ATP8A2: variants seen among roughly 807,000 people sequenced by gnomAD.
The protein encoded by ATP8A2 is ATPase phospholipid transporting 8A2.
ATP8A2 carries 100 observed loss-of-function variants against 165.6 expected under a neutral mutation model. That is an observed-to-expected ratio of 0.60 (90% CI 0.51 to 0.71). ATP8A2 has a LOEUF of 0.71. Ranked by LOEUF, ATP8A2 falls within the 30% of genes least tolerant of loss-of-function variation. The pLI, the probability that ATP8A2 is intolerant of heterozygous loss-of-function variation, is 0.00. For synonymous variants in ATP8A2, 543 were observed against 548.8 expected, an observed-to-expected ratio of 0.99 and a Z score of 0.15; for missense variants, 1,227 against 1,479.5, an observed-to-expected ratio of 0.83 and a Z score of 2.80.
chr13:25,991,849 A>C (rs1198377727), intron 35 of ATP8A2, among the ~76,000 whole-genome samples: 1 of 151,532 alleles, frequency 6.6e-6, no homozygotes, highest in African/African-American at 2.4e-5. Flanking sequence ...TTTTTCTGGG[A>C]TAAATGTCCA....
intron 28 of ATP8A2, among the ~76,000 whole-genome samples, chr13:25,829,246 T>C (rs1292307787): frequency 6.6e-6 from 1 of 152,098 alleles, no homozygotes; most frequent in African/African-American, 2.4e-5. Flanking sequence ...ATTGTGTTGG[T>C]GAGTCAGTAA....
In ATP8A2 at chr13:25,791,536, C is replaced by T. The variant is rs1244325482; in HGVS notation, c.2679+16577C>T. ...ATGTATCCCCGAACTTAAACACACA[C>T]ACACATACACACACACACACACACA... On this transcript the variant is annotated intron_variant, in intron 27 of 36. Coordinates refer to ENST00000381655, the MANE Select transcript of ATP8A2 (RefSeq NM_016529.6). 3.5e-5 allele frequency among the ~76,000 whole-genome samples: 4 copies of T among 114,804 alleles called. No individual in the cohort carries two copies. The East Asian group carries it at 9.0e-4, about 26-fold the overall frequency. 75.3% of individuals were successfully genotyped at this position (114,804 alleles called of 152,430 possible).
At chr13:26,015,616 T>A (rs1232660865) in intron 36 of ATP8A2, among the ~76,000 whole-genome samples, 1 of 152,204 alleles carries the variant, frequency 6.6e-6, no homozygotes, top group East Asian at 1.9e-4. Flanking sequence ...CATAATTTTA[T>A]GGATTTCACC....
chr13:25,381,316 GTGTTCCTGC>G (rs760548711), intron 1 of ATP8A2, among the ~76,000 whole-genome samples: 25 of 152,158 alleles, frequency 1.6e-4, no homozygotes, highest in Non-Finnish European at 3.2e-4. Context: ...ATTTAAAAAT[GTGTTCCTGC>G]TACTGCACAT....
chr13:25,741,986 A>G (rs545947023), intron 25 of ATP8A2, among the ~76,000 whole-genome samples: 22 of 152,358 alleles, frequency 1.4e-4, no homozygotes, highest in African/African-American at 5.3e-4. Flanking sequence ...CCTTACAGGT[A>G]CAGTCATGCA....
intron 33 of ATP8A2, among the ~76,000 whole-genome samples, chr13:25,904,448 C>T (rs904285513): frequency 2.0e-5 from 3 of 152,188 alleles, no homozygotes; most frequent in South Asian, 2.1e-4. Context: ...GTCACAAACC[C>T]GCACCCGTTG....
At chr13:25,811,511 T>G (rs1013786698) in intron 27 of ATP8A2, among the ~76,000 whole-genome samples, 1 of 152,122 alleles carries the variant, frequency 6.6e-6, no homozygotes, top group African/African-American at 2.4e-5. Context: ...CTTGCCCCGG[T>G]TGTACTTCTC....
chr13:25,855,432 G>A (rs570973485), intron 30 of ATP8A2, among the ~76,000 whole-genome samples: 103 of 152,258 alleles, frequency 6.8e-4, no homozygotes, highest in African/African-American at 2.2e-3. Context: ...GTTCATCCAT[G>A]TTGTAGCATG....
chr13:25,441,714 CTGTT>C (rs57173179), intron 1 of ATP8A2, among the ~76,000 whole-genome samples: 2,311 of 152,236 alleles, frequency 0.015, 56 homozygotes, highest in African/African-American at 0.053. Context: ...AAGAATTAGA[CTGTT>C]TGCCTTTTCC....
chr13:25,867,484 A>G (rs565290104), intron 33 of ATP8A2, among the ~76,000 whole-genome samples: 15 of 152,282 alleles, frequency 9.9e-5, no homozygotes, highest in African/African-American at 3.6e-4. Flanking sequence ...TGGGAGCTTA[A>G]CGGTAGGAAT....
At chr13:25,534,581 T>C (rs1470760862) in intron 6 of ATP8A2, among the ~76,000 whole-genome samples, 1 of 152,240 alleles carries the variant, frequency 6.6e-6, no homozygotes, top group East Asian at 1.9e-4. Flanking sequence ...CTTTGCAGAC[T>C]CCTAAAACTC....
chr13:25,723,208 G>A (rs1037880284), intron 25 of ATP8A2, among the ~76,000 whole-genome samples: 1 of 152,184 alleles, frequency 6.6e-6, no homozygotes, highest in Non-Finnish European at 1.5e-5. Flanking sequence ...CTTAGTAGTG[G>A]GGAGTGGGCA....
intron 2 of ATP8A2, among the ~76,000 whole-genome samples, chr13:25,482,919 G>T (rs919710947): frequency 1.3e-4 from 20 of 152,138 alleles, no homozygotes; most frequent in African/African-American, 4.8e-4. Flanking sequence ...TTTGTAAATT[G>T]CCCAGTCTGG....
chr13:25,400,066 G>T (rs2033586850), intron 1 of ATP8A2, among the ~76,000 whole-genome samples: 1 of 67,162 alleles, frequency 1.5e-5, no homozygotes, highest in South Asian at 4.5e-4. Context: ...GGGTCTACAG[G>T]CACACACTGC....
chr13:25,860,616 G>A (rs1322431744), intron 31 of ATP8A2, among the ~76,000 whole-genome samples, 188 bp from the exon 32 acceptor site: 1 of 152,160 alleles, frequency 6.6e-6, no homozygotes, highest in South Asian at 2.1e-4. Flanking sequence ...AGCTCTTCTG[G>A]AAGTGAATCT....
intron 30 of ATP8A2, among the ~76,000 whole-genome samples, chr13:25,847,269 A>G (rs1467162913): frequency 6.6e-6 from 1 of 152,216 alleles, no homozygotes; most frequent in African/African-American, 2.4e-5. Context: ...TACTAACCCG[A>G]TCATAGTACA....
chr13:25,627,414 G>A (rs756825187), intron 24 of ATP8A2, among the ~76,000 whole-genome samples: 4 of 152,094 alleles, frequency 2.6e-5, no homozygotes, highest in East Asian at 1.9e-4. Context: ...ATGTTGAAGC[G>A]CTGACCCCCA....
chr13:25,659,081 C>A (rs2137678326), intron 24 of ATP8A2, among the ~76,000 whole-genome samples: 1 of 152,290 alleles, frequency 6.6e-6, no homozygotes, highest in East Asian at 1.9e-4. Context: ...TCAGCAAAAG[C>A]TGCCTAAGAA....
chr13:25,942,688 T>G (rs770021641), intron 33 of ATP8A2, among the ~76,000 whole-genome samples: 13 of 152,246 alleles, frequency 8.5e-5, no homozygotes, highest in Admixed American at 2.0e-4. Flanking sequence ...CCTCCCGAAG[T>G]GCTGGGATTA....
Sources: allele counts gnomAD v4.1 joint callset (sites outside exome capture counted in the v4.1 genomes callset), GRCh38; gene constraint gnomAD v4.1.1; transcripts MANE v1.5; gene names NCBI Gene and HGNC (gene_info 2026-07-23, HGNC 2026-07-21).